Variants in UBE2U observed in about 807,000 individuals in gnomAD.
UBE2U encodes the protein ubiquitin-conjugating enzyme E2 U.
A neutral mutation model predicts 41.2 loss-of-function variants in UBE2U; 39 were observed. The observed-to-expected ratio is 0.95, with a 90% CI of 0.73 to 1.24. UBE2U has a LOEUF of 1.24. UBE2U is among the 50% of genes most tolerant of loss of function. UBE2U has a pLI of 0.00. For synonymous variants in UBE2U, 107 were observed against 117.8 expected, an observed-to-expected ratio of 0.91 and a Z score of 0.60; for missense variants, 336 against 363.1, an observed-to-expected ratio of 0.93 and a Z score of 0.61.
intron 3 of UBE2U, among the ~76,000 whole-genome samples, chr1:64,208,373 A>G (rs2806530): frequency 0.69 from 104,491 of 151,818 alleles, 36,330 homozygotes; most frequent in Non-Finnish European, 0.72. Context: ...TTGGGTGGTC[A>G]GTGGGGAGTA....
chr1:64,257,783 G>A (rs898268515), intron 8 of UBE2U, among the ~76,000 whole-genome samples: 4 of 151,938 alleles, frequency 2.6e-5, no homozygotes, highest in Non-Finnish European at 4.4e-5. Flanking sequence ...AATAAAAGTT[G>A]AAGATAAAAA....
At chr1:64,252,706 C>A (rs1394090262) in intron 8 of UBE2U, among the ~76,000 whole-genome samples, 3 of 152,066 alleles carry the variant, frequency 2.0e-5, no homozygotes, top group African/African-American at 7.2e-5. Context: ...GAAAAACAAA[C>A]AAACAGAAAA....
chr1:64,244,063 A>G, intron 8 of UBE2U: 1 of 1,069,744 alleles, frequency 9.3e-7, no homozygotes. Context: ...GTGCATGGCA[A>G]GCACTCATAA....
chr1:64,239,068 G>A (rs58023348), intron 7 of UBE2U, among the ~76,000 whole-genome samples: 2,528 of 64,278 alleles, frequency 0.039, 13 homozygotes, highest in Non-Finnish European at 0.048. Context: ...AAGAAGAAGA[G>A]GAAGAGGAAG....
At chr1:64,260,554 C>T in intron 8 of UBE2U, 49 bp from the exon 9 acceptor site, 3 of 1,419,540 alleles carry the variant, frequency 2.1e-6, no homozygotes, top group Non-Finnish European at 2.9e-6. Context: ...AGTAAATATA[C>T]CCTTACCAAA....
intron 7 of UBE2U, among the ~76,000 whole-genome samples, chr1:64,240,569 T>C (rs1253812077): frequency 6.6e-6 from 1 of 152,188 alleles, no homozygotes; most frequent in Non-Finnish European, 1.5e-5. Context: ...ACCTGGATGA[T>C]CATCTGTTGG....
At chr1:64,206,735 T>C (rs750357937) in intron 2 of UBE2U, 29 bp from the exon 3 acceptor site, 2 of 1,327,114 alleles carry the variant, frequency 1.5e-6, no homozygotes, top group African/African-American at 1.5e-5. Context: ...CATGACACTT[T>C]AGTAAAAATG....
chr1:64,213,946 T>C (rs1004898511), intron 4 of UBE2U, among the ~76,000 whole-genome samples: 57 of 152,314 alleles, frequency 3.7e-4, no homozygotes, highest in African/African-American at 1.2e-3. Flanking sequence ...TATTTGTGTA[T>C]CTAAATATAG....
chr1:64,248,106 G>A (rs570991658), intron 8 of UBE2U, among the ~76,000 whole-genome samples: 3 of 152,182 alleles, frequency 2.0e-5, no homozygotes, highest in Admixed American at 6.5e-5. Context: ...TTTAATATGA[G>A]TCACAAATAC....
At chr1:64,245,854 T>G (rs912931119) in intron 8 of UBE2U, among the ~76,000 whole-genome samples, 1 of 152,078 alleles carries the variant, frequency 6.6e-6, no homozygotes, top group Non-Finnish European at 1.5e-5. Flanking sequence ...TCCGTAAAGG[T>G]GGAGATGGAT....
chr1:64,214,967 T>A, intron 5 of UBE2U, 35 bp downstream of exon 5: 9 of 1,549,872 alleles, frequency 5.8e-6, no homozygotes, highest in Non-Finnish European at 8.0e-6. Context: ...GTGCAGTGGC[T>A]CACGCCTGTA....
At chr1:64,217,800 A>G (rs901021611) in intron 5 of UBE2U, among the ~76,000 whole-genome samples, 1 of 152,218 alleles carries the variant, frequency 6.6e-6, no homozygotes. Context: ...GAATATAGAA[A>G]TATTAGGGAG....
intron 9 of UBE2U, among the ~76,000 whole-genome samples, chr1:64,266,572 C>T (rs1557755779): frequency 6.6e-6 from 1 of 152,216 alleles, no homozygotes; most frequent in East Asian, 1.9e-4. Context: ...CTGATCACCC[C>T]TAACCCTGTC....
chr1:64,206,699 T>C, intron 2 of UBE2U, 65 bp from the exon 3 acceptor site: 9 of 964,934 alleles, frequency 9.3e-6, no homozygotes, highest in Non-Finnish European at 1.4e-5. Context: ...ACTCCAGTGT[T>C]AATCAGGTTA....
intron 6 of UBE2U, among the ~76,000 whole-genome samples, 188 bp downstream of exon 6, chr1:64,221,095 T>G (rs1243568336): frequency 6.6e-6 from 1 of 152,178 alleles, no homozygotes; most frequent in Admixed American, 6.5e-5. Flanking sequence ...GAATTAAAAT[T>G]AAATGTAACT....
rs991395236 is a variant in UBE2U at position 64,248,150 on chromosome 1, T to C, written c.677+6417T>C. Among the ~76,000 whole-genome samples, 4 of 152,300 alleles carry C rather than the reference T, an allele frequency of 2.6e-5. No homozygotes were observed. The South Asian group carries it at 8.3e-4, about 32-fold the overall frequency. On this transcript the variant is annotated intron_variant, in intron 8 of 9. Transcript: ENST00000371077. ...TTTTTTCCTAGGAGAACTCCTTCTT[T>C]GGTGTTCTGCTCCCACATTTTAATG...
chr1:64,215,016 T>C (rs990265168), intron 5 of UBE2U, 84 bp downstream of exon 5: 5 of 1,042,058 alleles, frequency 4.8e-6, no homozygotes, highest in Non-Finnish European at 7.3e-6. Context: ...GTGGATCATC[T>C]GAGGTCCGGA....
rs141719850 is a variant in UBE2U, at chr1:64,245,032, G to C, written c.677+3299G>C. Among the ~76,000 whole-genome samples, 768 of 152,286 alleles carry C rather than the reference G, an allele frequency of 5.0e-3. 8 individuals are homozygous for C. Among genetic ancestry groups the C allele is most frequent in the Non-Finnish European group, 7.1e-3 (484 of 68,024 alleles). ...GAGTTCTAAGGTGTAGTTGGAAACA[G>C]TGATTGAAAACTGGAAATGTAAATG... is the stretch of plus-strand genomic sequence containing the variant. On this transcript the variant is annotated intron_variant, in intron 8 of 9. Transcript: ENST00000371077.
At chr1:64,232,275 AG>A (rs1202923326) in intron 6 of UBE2U, among the ~76,000 whole-genome samples, 1 of 152,212 alleles carries the variant, frequency 6.6e-6, no homozygotes, top group East Asian at 1.9e-4. Flanking sequence ...TAGTCATGAA[AG>A]GCAGATGTCT....
Sources: allele counts gnomAD v4.1 joint callset (sites outside exome capture counted in the v4.1 genomes callset), GRCh38; gene constraint gnomAD v4.1.1; transcripts MANE v1.5; gene names NCBI Gene and HGNC (gene_info 2026-07-23, HGNC 2026-07-21).